KLF8: variants seen among roughly 807,000 people sequenced by gnomAD.
KLF8 encodes Krueppel-like factor 8.
KLF8 carries 10 observed loss-of-function variants against 18.2 expected under a neutral mutation model. That is an observed-to-expected ratio of 0.55 (90% confidence interval 0.34 to 0.93). KLF8 has a LOEUF of 0.93. Ranked by LOEUF, KLF8 falls within the 40% of genes least tolerant of loss-of-function variation. The pLI is 0.02. For missense variants in KLF8, 264 were observed against 277.9 expected (o/e 0.95, Z 0.36); for synonymous variants, 109 against 97.3 (o/e 1.12, Z -0.71).
the KLF8 span, among the ~76,000 whole-genome samples, chrX:55,963,833 C>T: frequency 1.1e-4 from 12 of 112,072 alleles, no homozygotes; most frequent in Admixed American, 3.8e-4. Context: ...GTCATCTGCA[C>T]ATGACACATA....
the KLF8 span, among the ~76,000 whole-genome samples, chrX:56,198,151 T>A: frequency 8.9e-6 from 1 of 111,999 alleles, no homozygotes; most frequent in East Asian, 2.8e-4. Flanking sequence ...GGACAAAAAC[T>A]GGAAGCATTC....
At chrX:56,221,781 C>T in the KLF8 span, among the ~76,000 whole-genome samples, 2 of 111,704 alleles carry the variant, frequency 1.8e-5, no homozygotes, top group African/African-American at 6.5e-5. Flanking sequence ...GAGTGAGCAG[C>T]AGCAAGATTT....
the KLF8 span, among the ~76,000 whole-genome samples, chrX:56,158,973 A>G: frequency 8.9e-6 from 1 of 111,816 alleles, no homozygotes; most frequent in African/African-American, 3.2e-5. Flanking sequence ...CCAGTTTTCA[A>G]AGGGAATGCT....
chrX:56,162,112 C>G, the KLF8 span, among the ~76,000 whole-genome samples: 1 of 111,694 alleles, frequency 9.0e-6, no homozygotes, highest in African/African-American at 3.2e-5. Context: ...AATGTTGCTG[C>G]CTGAACGTTC....
chrX:56,008,137 T>TATATATATATATATATATATAC, the KLF8 span, among the ~76,000 whole-genome samples: 1 of 106,449 alleles, frequency 9.4e-6, no homozygotes, highest in African/African-American at 3.6e-5. Flanking sequence ...TATATATATA[T>TATATATATATATATATATATAC]ACACACACAA....
At chrX:56,074,316 CT>C in the KLF8 span, among the ~76,000 whole-genome samples, 1 of 110,781 alleles carries the variant, frequency 9.0e-6, no homozygotes, top group Non-Finnish European at 1.9e-5. Flanking sequence ...TATTTTTTTC[CT>C]TTTTTTGCCT....
At chrX:56,051,270 T>C in the KLF8 span, among the ~76,000 whole-genome samples, 1 of 110,918 alleles carries the variant, frequency 9.0e-6, no homozygotes, top group Non-Finnish European at 1.9e-5. Flanking sequence ...CCATTTACAT[T>C]TAAAGTTAAT....
chrX:56,095,441 C>G, the KLF8 span, among the ~76,000 whole-genome samples: 2 of 111,828 alleles, frequency 1.8e-5, no homozygotes, highest in Non-Finnish European at 3.8e-5. Context: ...TCCTCAAAAG[C>G]AAATACAATA....
At chrX:56,051,493 G>C in the KLF8 span, among the ~76,000 whole-genome samples, 1 of 110,038 alleles carries the variant, frequency 9.1e-6, no homozygotes, top group Non-Finnish European at 1.9e-5. Flanking sequence ...GCATTTGCTT[G>C]TCTGTAAAGG....
chrX:56,086,395 A>C, the KLF8 span, among the ~76,000 whole-genome samples: 1 of 111,178 alleles, frequency 9.0e-6, no homozygotes, highest in Admixed American at 9.6e-5. Flanking sequence ...TCGGAGGGAC[A>C]TGAACAGAGC....
At chrX:55,979,367 T>C in the KLF8 span, among the ~76,000 whole-genome samples, 8 of 111,554 alleles carry the variant, frequency 7.2e-5, no homozygotes, top group African/African-American at 6.5e-5. Context: ...TTCTCAGTTC[T>C]CAGAACGAGA....
the KLF8 span, among the ~76,000 whole-genome samples, chrX:56,180,635 G>A: frequency 9.1e-6 from 1 of 110,384 alleles, no homozygotes; most frequent in Non-Finnish European, 1.9e-5. Flanking sequence ...TGCTTTAAAT[G>A]TGTCCCCGAG....
At chrX:55,919,572 G>A in the KLF8 span, among the ~76,000 whole-genome samples, 629 of 111,363 alleles carry the variant, frequency 5.6e-3, 2 homozygotes, top group Middle Eastern at 0.019. Context: ...TGCAGGCTGT[G>A]TGAGAGCTGG....
At chrX:56,276,699 G>A in intron 5 of KLF8, among the ~76,000 whole-genome samples, 1 of 111,156 alleles carries the variant, frequency 9.0e-6, no homozygotes, top group East Asian at 2.8e-4. Context: ...TGACCTTTGG[G>A]AGTTTAATTA....
chrX:56,287,829 C>T lies in KLF8; in HGVS notation c.*3335C>T, dbSNP rs1027899214. ...AGTTTCTCCTGTTATTAGCATCTCA[C>T]ATTAATATGTGGTATATTTGTTACA... On this transcript the variant is annotated 3_prime_UTR_variant, in exon 6 of 6. Coordinates refer to ENST00000468660, the MANE Select transcript of KLF8 (RefSeq NM_007250.5). The T allele has an allele frequency of 1.8e-5, 2 of 112,229 alleles. No homozygotes were observed. Among genetic ancestry groups the T allele is most frequent in the Non-Finnish European group, 3.8e-5 (2 of 53,300 alleles). 9.2% of individuals were successfully genotyped at this position (112,229 alleles called of 1,213,427 possible). A position where few individuals can be genotyped will look rare whatever the true frequency, so the allele number is the denominator to read the frequency against.
At chrX:56,012,429 A>G in the KLF8 span, among the ~76,000 whole-genome samples, 1 of 112,190 alleles carries the variant, frequency 8.9e-6, no homozygotes, top group Non-Finnish European at 1.9e-5. Context: ...TAAAGTAAAT[A>G]TTGATGGAAG....
intron 1 of KLF8, among the ~76,000 whole-genome samples, chrX:56,236,738 C>T (rs998614152): frequency 9.1e-6 from 1 of 110,361 alleles, no homozygotes; most frequent in African/African-American, 3.3e-5. Flanking sequence ...AGTCTCCCTC[C>T]TATTCCTGTT....
the KLF8 span, among the ~76,000 whole-genome samples, chrX:56,115,580 G>A: frequency 1.1e-4 from 12 of 111,847 alleles, no homozygotes; most frequent in African/African-American, 3.9e-4. Flanking sequence ...ATTCACAGGT[G>A]TAGAACAAGC....
At chrX:55,957,162 G>C in the KLF8 span, among the ~76,000 whole-genome samples, 2 of 111,366 alleles carry the variant, frequency 1.8e-5, no homozygotes, top group Non-Finnish European at 3.8e-5. Flanking sequence ...TTTCCTCATT[G>C]AGTGGTCTTG....
Sources: gnomAD v4.1 joint callset for allele counts (sites outside exome capture counted in the v4.1 genomes callset) on GRCh38, gnomAD v4.1.1 for gene constraint, MANE v1.5 for transcripts, NCBI Gene and HGNC (gene_info 2026-07-23, HGNC 2026-07-21) for gene names.